Variants in NPSR1 observed in about 807,000 individuals in gnomAD.
The protein encoded by NPSR1 is neuropeptide S receptor 1.
In NPSR1, 48 loss-of-function variants were observed where a neutral mutation model predicts 46.9. The ratio of observed to expected loss-of-function variants is 1.02; its 90% CI spans 0.81 to 1.30. NPSR1 has a LOEUF of 1.30. Ranked by LOEUF, NPSR1 falls within the 50% of genes most tolerant of loss-of-function variation. The pLI is 0.00. For synonymous variants in NPSR1, 176 were observed against 168.1 expected (o/e 1.05, Z -0.36); for missense variants, 450 against 449.5 (o/e 1.00, Z -0.01).
At chr7:34,731,505 C>T (rs1202949681) in intron 2 of NPSR1, among the ~76,000 whole-genome samples, 2 of 152,166 alleles carry the variant, frequency 1.3e-5, no homozygotes, top group Non-Finnish European at 2.9e-5. Flanking sequence ...CCCTGGGTTA[C>T]ATTTTGCTTT....
At chr7:34,877,420 G>T (rs981623754) in intron 8 of NPSR1, among the ~76,000 whole-genome samples, 2 of 152,246 alleles carry the variant, frequency 1.3e-5, no homozygotes, top group Non-Finnish European at 2.9e-5. Flanking sequence ...CTTCTAGAGA[G>T]AGTGTGGCAG....
chr7:34,704,006 C>T (rs1793980276), intron 2 of NPSR1: 1 of 152,192 alleles, frequency 6.6e-6, no homozygotes, highest in African/African-American at 2.4e-5. Flanking sequence ...AGCTTTGCTT[C>T]AAAGCACTTT....
At chr7:34,714,000 G>A (rs1783429571) in intron 2 of NPSR1, among the ~76,000 whole-genome samples, 1 of 152,234 alleles carries the variant, frequency 6.6e-6, no homozygotes, top group Non-Finnish European at 1.5e-5. Context: ...ATATTTCTGA[G>A]GGTCAAGAAT....
At chr7:34,728,645 A>G (rs1462550088) in intron 2 of NPSR1, 3 of 152,672 alleles carry the variant, frequency 2.0e-5, no homozygotes, top group Non-Finnish European at 4.4e-5. Context: ...TTATCTCTGA[A>G]GAAAATAATT....
At chr7:34,798,961 T>C (rs1788332801) in intron 3 of NPSR1, among the ~76,000 whole-genome samples, 1 of 152,162 alleles carries the variant, frequency 6.6e-6, no homozygotes, top group Admixed American at 6.5e-5. Flanking sequence ...AAAGCAGTTC[T>C]TTGAGTGAAA....
intron 2 of NPSR1, chr7:34,704,103 G>C (rs1490719595): frequency 2.6e-5 from 4 of 152,148 alleles, no homozygotes; most frequent in African/African-American, 9.7e-5. Context: ...AACTTGAGAC[G>C]TTCAGCAAGG....
chr7:34,669,423 C>T (rs928710539), intron 1 of NPSR1, among the ~76,000 whole-genome samples: 2 of 151,976 alleles, frequency 1.3e-5, no homozygotes, highest in Non-Finnish European at 2.9e-5. Context: ...ATTAGCCAGG[C>T]GTGGTGGCAG....
intron 2 of NPSR1, among the ~76,000 whole-genome samples, chr7:34,714,437 G>C (rs530591487): frequency 2.6e-5 from 4 of 152,292 alleles, no homozygotes; most frequent in South Asian, 2.1e-4. Flanking sequence ...CTTGGTTGTG[G>C]TTATAGAAAT....
chr7:34,807,509 T>C (rs1788761920), intron 3 of NPSR1, among the ~76,000 whole-genome samples: 1 of 152,218 alleles, frequency 6.6e-6, no homozygotes, highest in African/African-American at 2.4e-5. Context: ...TCACATGAAA[T>C]GCTGTTTGCT....
At chr7:34,862,134 C>T (rs1030157587) in intron 8 of NPSR1, among the ~76,000 whole-genome samples, 2 of 151,708 alleles carry the variant, frequency 1.3e-5, no homozygotes, top group African/African-American at 2.4e-5. Context: ...ACTTTGCAAA[C>T]CAAATTTCTC....
intron 5 of NPSR1, among the ~76,000 whole-genome samples, chr7:34,832,090 G>C (rs1790147921): frequency 6.6e-6 from 1 of 152,166 alleles, no homozygotes; most frequent in African/African-American, 2.4e-5. Flanking sequence ...CACAATAAAA[G>C]TAGTCATCAA....
chr7:34,738,818 T>A (rs1784804325), intron 2 of NPSR1, among the ~76,000 whole-genome samples: 1 of 152,160 alleles, frequency 6.6e-6, no homozygotes, highest in African/African-American at 2.4e-5. Flanking sequence ...ACATTCAAAA[T>A]GTGGTCAACT....
chr7:34,673,264 T>G (rs950803148), intron 1 of NPSR1, among the ~76,000 whole-genome samples: 3 of 152,188 alleles, frequency 2.0e-5, no homozygotes, highest in Non-Finnish European at 4.4e-5. Flanking sequence ...AAGCTCCTTG[T>G]CTTCGCCTCC....
At chr7:34,849,487 A>C in intron 8 of NPSR1, 78 bp from the exon 9 acceptor site, 1 of 1,602,902 alleles carries the variant, frequency 6.2e-7, no homozygotes, top group Non-Finnish European at 8.5e-7. Context: ...TTTCATAACT[A>C]TTGTCTCTTA....
Position 34,681,725 on chromosome 7 carries a change from A to G in NPSR1, c.148-2827A>G, listed in dbSNP as rs186823390. ...TTTAACTCTAGCGTTGAAGTGCCAT[A>G]TTCAATGAGCACAGTTCTGGAAAGG... On this transcript the variant is annotated intron_variant, in intron 1 of 8. Transcript: ENST00000360581. Among the ~76,000 whole-genome samples, 160 of 152,282 alleles carry G rather than the reference A, an allele frequency of 1.1e-3. 2 individuals carry two copies. Among genetic ancestry groups the G allele is most frequent in the Non-Finnish European group, 2.2e-4 (15 of 68,016 alleles).
intron 1 of NPSR1, among the ~76,000 whole-genome samples, chr7:34,666,629 AT>A (rs200060355): frequency 1.1e-3 from 169 of 152,330 alleles, no homozygotes; most frequent in Non-Finnish European, 2.0e-3. Flanking sequence ...ATGAAAAAAA[AT>A]AAATCTTTGT....
intron 2 of NPSR1, among the ~76,000 whole-genome samples, chr7:34,764,985 C>G (rs1217258052): frequency 6.6e-6 from 1 of 152,100 alleles, no homozygotes; most frequent in Non-Finnish European, 1.5e-5. Flanking sequence ...GCAAAACAGG[C>G]ACAGCTGAAA....
intron 1 of NPSR1, among the ~76,000 whole-genome samples, chr7:34,677,821 C>T (rs1481733266): frequency 6.6e-6 from 1 of 152,134 alleles, no homozygotes; most frequent in Non-Finnish European, 1.5e-5. Flanking sequence ...ATGCTGCAGA[C>T]CTCACAAAAA....
At chr7:34,763,329 T>C (rs957563689) in intron 2 of NPSR1, among the ~76,000 whole-genome samples, 1 of 152,206 alleles carries the variant, frequency 6.6e-6, no homozygotes, top group African/African-American at 2.4e-5. Context: ...TTCCATCTGC[T>C]GTATGAAATC....
Sources: allele counts gnomAD v4.1 joint callset (sites outside exome capture counted in the v4.1 genomes callset), GRCh38; gene constraint gnomAD v4.1.1; transcripts MANE v1.5; gene names NCBI Gene and HGNC (gene_info 2026-07-23, HGNC 2026-07-21).